The following DTNA variants were observed in gnomAD, a reference collection of about 807,000 sequenced individuals.
The protein encoded by DTNA is dystrobrevin alpha.
In DTNA, 43 loss-of-function variants were observed where a neutral mutation model predicts 100.7. That is an observed-to-expected ratio of 0.43 (90% confidence interval 0.33 to 0.55). The LOEUF (loss-of-function observed/expected upper bound fraction) is 0.55. Among genes scored for constraint, DTNA ranks in the 20% least tolerant of loss-of-function variants. DTNA has a pLI of 0.04. For missense variants in DTNA, 798 were observed against 953.9 expected (o/e 0.84, Z 2.15); for synonymous variants, 349 against 347.9 (o/e 1.00, Z -0.04).
At position 34,765,949 on chromosome 18, in the gene DTNA, T is replaced by TC; in HGVS notation, c.68-8dup. ...CATGGCATACCTTATGTGTCCTTTTTCCCCGCACTAGGGGCTCAAGATCTG... is the reference window on the plus strand; with the variant it reads ...CATGGCATACCTTATGTGTCCTTTTTCCCCCGCACTAGGGGCTCAAGATCTG... On this transcript the variant is annotated splice_polypyrimidine_tract_variant and intron_variant, in intron 2 of 22. Coordinates refer to ENST00000444659, the MANE Select transcript of DTNA (RefSeq NM_001386795.1). The TC allele has an allele frequency of 1.2e-6, 2 of 1,613,618 alleles. No homozygotes were observed. Among genetic ancestry groups the TC allele is most frequent in the Non-Finnish European group, 1.7e-6 (2 of 1,179,648 alleles).
intron 1 of DTNA, among the ~76,000 whole-genome samples, chr18:34,698,078 C>T (rs1241232177): frequency 1.3e-5 from 2 of 152,236 alleles, no homozygotes; most frequent in Admixed American, 6.5e-5. Context: ...GCCAGCTGCA[C>T]TCTGTTACCT....
intron 1 of DTNA, among the ~76,000 whole-genome samples, chr18:34,586,415 T>G (rs1320720031): frequency 6.7e-6 from 1 of 148,396 alleles, no homozygotes; most frequent in Non-Finnish European, 1.5e-5. Flanking sequence ...TTGTTTTTGT[T>G]TTTTTTTGCA....
At chr18:34,791,980 C>T (rs542499028) in intron 3 of DTNA, among the ~76,000 whole-genome samples, 19 of 152,296 alleles carry the variant, frequency 1.2e-4, no homozygotes, top group South Asian at 1.0e-3. Flanking sequence ...GTCCAGTGCT[C>T]CTTGAGCACA....
At chr18:34,696,861 G>C (rs565863079) in intron 1 of DTNA, among the ~76,000 whole-genome samples, 2 of 152,154 alleles carry the variant, frequency 1.3e-5, no homozygotes, top group Non-Finnish European at 2.9e-5. Context: ...TATTTATTGA[G>C]AGCTGTTCAG....
chr18:34,664,575 C>T (rs944879696), intron 1 of DTNA, among the ~76,000 whole-genome samples: 19 of 152,198 alleles, frequency 1.2e-4, no homozygotes, highest in African/African-American at 4.6e-4. Context: ...CTACACCAGC[C>T]TTCCAAACTG....
chr18:34,566,360 T>C (rs1467623808), intron 1 of DTNA, among the ~76,000 whole-genome samples: 1 of 152,106 alleles, frequency 6.6e-6, no homozygotes, highest in Non-Finnish European at 1.5e-5. Flanking sequence ...AACTTTGATA[T>C]ACACAGTTTC....
At chr18:34,533,839 G>A (rs2043405784) in intron 1 of DTNA, among the ~76,000 whole-genome samples, 1 of 152,092 alleles carries the variant, frequency 6.6e-6, no homozygotes, top group African/African-American at 2.4e-5. Context: ...GAAATCTTAT[G>A]ACAATCGTTC....
intron 1 of DTNA, among the ~76,000 whole-genome samples, chr18:34,517,171 G>A (rs1414778294): frequency 1.3e-5 from 2 of 152,138 alleles, no homozygotes; most frequent in Non-Finnish European, 2.9e-5. Context: ...TGTTGCATAA[G>A]ATTAACCAAA....
At chr18:34,650,779 A>G (rs747506969) in intron 1 of DTNA, among the ~76,000 whole-genome samples, 1 of 152,206 alleles carries the variant, frequency 6.6e-6, no homozygotes, top group Non-Finnish European at 1.5e-5. Context: ...TTTTTCTATT[A>G]TAGTAGTACT....
chr18:34,534,205 C>T lies in DTNA; in HGVS notation c.-2+40691C>T, dbSNP rs573116079. ...TAATTTAAAAAATACAAAAATTAGC[C>T]GGGCATGGTGGTGCACTCCTGTAAT... On this transcript the variant is annotated intron_variant, in intron 1 of 19. Coordinates refer to the DTNA transcript ENST00000283365. Among the ~76,000 whole-genome samples, 458 of 151,780 alleles carry T rather than the reference C, an allele frequency of 3.0e-3. 2 individuals are homozygous for T. The highest frequency in any genetic ancestry group is 0.016 in the South Asian group (76 of 4,792).
chr18:34,805,486 A>G (rs28521155), intron 4 of DTNA, among the ~76,000 whole-genome samples: 3,842 of 152,076 alleles, frequency 0.025, 165 homozygotes, highest in African/African-American at 0.087. Flanking sequence ...CACCACACCT[A>G]GCTAATTTTT....
chr18:34,579,844 G>A (rs994335228), intron 1 of DTNA, among the ~76,000 whole-genome samples: 2 of 152,128 alleles, frequency 1.3e-5, no homozygotes, highest in East Asian at 1.9e-4. Flanking sequence ...TCATACATGG[G>A]TTGATATCTT....
At chr18:34,672,804 G>GTA (rs751222286) in intron 1 of DTNA, among the ~76,000 whole-genome samples, 8 of 152,086 alleles carry the variant, frequency 5.3e-5, no homozygotes, top group Non-Finnish European at 8.8e-5. Flanking sequence ...TATATGGTAT[G>GTA]TATATATATG....
At chr18:34,620,061 C>A (rs570341451) in intron 1 of DTNA, among the ~76,000 whole-genome samples, 3 of 152,064 alleles carry the variant, frequency 2.0e-5, no homozygotes, top group South Asian at 4.1e-4. Context: ...TGGTATTATA[C>A]GAAACAAACA....
intron 1 of DTNA, among the ~76,000 whole-genome samples, chr18:34,636,068 G>A (rs1034123701): frequency 2.6e-5 from 4 of 152,162 alleles, no homozygotes; most frequent in Non-Finnish European, 4.4e-5. Context: ...ATTCTTCAGT[G>A]TGCAGCAAGT....
intron 1 of DTNA, among the ~76,000 whole-genome samples, chr18:34,555,513 A>G (rs1427468997): frequency 1.3e-5 from 2 of 151,858 alleles, no homozygotes; most frequent in East Asian, 1.9e-4. Context: ...GTGGACATTT[A>G]GTGCTATAAA....
intron 1 of DTNA, among the ~76,000 whole-genome samples, chr18:34,602,254 A>G (rs2052023661): frequency 6.6e-6 from 1 of 152,210 alleles, no homozygotes; most frequent in Non-Finnish European, 1.5e-5. Flanking sequence ...TTGTCATTTA[A>G]ATCAGCAAAT....
chr18:34,511,408 C>T (rs1265104255), intron 1 of DTNA, among the ~76,000 whole-genome samples: 2 of 151,972 alleles, frequency 1.3e-5, no homozygotes, highest in Non-Finnish European at 2.9e-5. Flanking sequence ...TCCTATGTAA[C>T]TTGTTGAATA....
At chr18:34,552,682 C>G (rs1303845200) in intron 1 of DTNA, among the ~76,000 whole-genome samples, 1 of 151,572 alleles carries the variant, frequency 6.6e-6, no homozygotes, top group Non-Finnish European at 1.5e-5. Context: ...CCAATTTCAT[C>G]CATGTCCCTA....
Sources: allele counts gnomAD v4.1 joint callset (sites outside exome capture counted in the v4.1 genomes callset), GRCh38; gene constraint gnomAD v4.1.1; transcripts MANE v1.5; gene names NCBI Gene and HGNC (gene_info 2026-07-23, HGNC 2026-07-21).